Variants in PDE11A observed in about 807,000 individuals in gnomAD.
PDE11A encodes phosphodiesterase 11A.
Under a neutral mutation model 100.5 loss-of-function variants are expected in PDE11A, and 100 were observed. The observed-to-expected ratio is 1.00, with a 90% CI of 0.85 to 1.18. The LOEUF is 1.18. Ranked by LOEUF, PDE11A falls within the 50% of genes most tolerant of loss-of-function variation. The pLI is 0.00. For synonymous variants in PDE11A, 381 were observed against 420.8 expected, an observed-to-expected ratio of 0.91 and a Z score of 1.16; for missense variants, 1,141 against 1,152.6, an observed-to-expected ratio of 0.99 and a Z score of 0.15.
At chr2:177,785,567 C>T (rs939767776) in intron 9 of PDE11A, among the ~76,000 whole-genome samples, 1 of 152,184 alleles carries the variant, frequency 6.6e-6, no homozygotes, top group Admixed American at 6.5e-5. Context: ...CATGCATGAG[C>T]CGAAGTAGGG....
intron 19 of PDE11A, among the ~76,000 whole-genome samples, chr2:177,655,159 A>G (rs539397549): frequency 1.3e-5 from 2 of 152,256 alleles, no homozygotes; most frequent in South Asian, 4.2e-4. Flanking sequence ...TTTCCATTGG[A>G]TTCCAGCATT....
chr2:177,964,385 C>CT (rs2105791933), intron 2 of PDE11A, among the ~76,000 whole-genome samples: 1 of 151,368 alleles, frequency 6.6e-6, no homozygotes, highest in Non-Finnish European at 1.5e-5. Flanking sequence ...TATTTTTTTT[C>CT]TTTCCAACTT....
intron 16 of PDE11A, chr2:177,675,803 C>T: frequency 1.8e-6 from 1 of 545,326 alleles, no homozygotes; most frequent in South Asian, 1.7e-5. Flanking sequence ...TACACCTGAG[C>T]TAAGCAAGCT....
At chr2:177,844,387 C>T (rs2083544915) in intron 5 of PDE11A, among the ~76,000 whole-genome samples, 1 of 152,068 alleles carries the variant, frequency 6.6e-6, no homozygotes, top group South Asian at 2.1e-4. Context: ...CTAATCACCT[C>T]CTAAAGGCCC....
Position 177,627,261 on chromosome 2 carries a change from C to T in PDE11A, c.*2146G>A, listed in dbSNP as rs1251877073. The T allele has an allele frequency of 1.3e-5, 2 of 151,908 alleles. No individual in the cohort carries two copies. The highest frequency in any genetic ancestry group is 1.3e-4 in the Admixed American group (2 of 15,272). 9.4% of individuals were successfully genotyped at this position (151,908 alleles called of 1,614,324 possible). ...CCGTGTTAGCCAGGACGGTCTCGAT[C>T]TCCTGACCTCGTGATCCGCCCGCCT... On this transcript the variant is annotated 3_prime_UTR_variant, in exon 20 of 20. Coordinates refer to ENST00000286063, the MANE Select transcript of PDE11A (RefSeq NM_016953.4).
At chr2:178,092,319 GC>G (rs1430610260) in intron 2 of PDE11A, among the ~76,000 whole-genome samples, 4 of 152,044 alleles carry the variant, frequency 2.6e-5, no homozygotes, top group Admixed American at 2.0e-4. Flanking sequence ...TCCTTAGCAT[GC>G]CAACAAAAGC....
At chr2:177,777,307 T>G (rs922111359) in intron 9 of PDE11A, among the ~76,000 whole-genome samples, 1 of 152,140 alleles carries the variant, frequency 6.6e-6, no homozygotes. Context: ...CATAACCTCA[T>G]TAACCTAAGA....
intron 2 of PDE11A, among the ~76,000 whole-genome samples, chr2:177,908,520 GA>G: frequency 6.6e-6 from 1 of 152,198 alleles, no homozygotes; most frequent in African/African-American, 2.4e-5. Flanking sequence ...TCTTGGTAGT[GA>G]AAGGGAGGGA....
Position 177,875,894 on chromosome 2 carries a change from C to G in PDE11A, c.1332G>C (p.Leu444Phe), listed in dbSNP as rs369303784. Residue 444 changes from leucine (L) to phenylalanine (F), a missense_variant, in exon 5 of 20, where the codon TTG becomes TTC. Physicochemically the swap from Leu to Phe is conservative, Grantham distance 22. Coordinates refer to ENST00000286063, the MANE Select transcript of PDE11A (RefSeq NM_016953.4). The part of the protein sequence containing the change: ...PVVKFTKSFE[L>F]MSPKCSADAE... Reference sequence around the variant, plus strand: ...CATCAGCACTGCACTTTGGGGACATCAATTCAAAGGATTTGGTAAATTTCA... The same window carrying G: ...CATCAGCACTGCACTTTGGGGACATGAATTCAAAGGATTTGGTAAATTTCA... The G allele has an allele frequency of 1.2e-6, 2 of 1,612,000 alleles. No homozygotes were observed. The highest frequency in any genetic ancestry group is 2.2e-5 in the East Asian group (1 of 44,850).
At chr2:177,700,635 A>C (rs1034192803) in intron 14 of PDE11A, among the ~76,000 whole-genome samples, 1 of 152,062 alleles carries the variant, frequency 6.6e-6, no homozygotes, top group African/African-American at 2.4e-5. Context: ...TCACTTCCTA[A>C]CTGGTCCCAC....
intron 19 of PDE11A, among the ~76,000 whole-genome samples, chr2:177,639,918 C>T (rs2080113973): frequency 6.6e-6 from 1 of 152,088 alleles, no homozygotes; most frequent in South Asian, 2.1e-4. Flanking sequence ...AGTGTTTGAA[C>T]CTGAAAATGT....
intron 16 of PDE11A, 171 bp from the exon 17 acceptor site, chr2:177,675,689 A>G: frequency 1.4e-6 from 1 of 705,746 alleles, no homozygotes. Flanking sequence ...CAGCATCTCC[A>G]TCATGTGGCC....
At chr2:177,728,629 C>T (rs1164171962) in intron 10 of PDE11A, among the ~76,000 whole-genome samples, 1 of 152,126 alleles carries the variant, frequency 6.6e-6, no homozygotes, top group Non-Finnish European at 1.5e-5. Flanking sequence ...TATCCTGTAG[C>T]TTGCACGTGT....
intron 10 of PDE11A, among the ~76,000 whole-genome samples, chr2:177,741,873 A>G (rs1332975191): frequency 6.6e-6 from 1 of 152,136 alleles, no homozygotes; most frequent in African/African-American, 2.4e-5. Flanking sequence ...CTATCTGTAC[A>G]GAAAAAAAAT....
At position 178,037,577 on chromosome 2, in the gene PDE11A, T is replaced by G. The variant is rs1009177973; in HGVS notation, c.913-23117A>C. On this transcript the variant is annotated intron_variant, in intron 1 of 19. Transcript: ENST00000286063. ...ATATAAAGACCCATGCGTACATGTGTTTATTGCAGCACTATTTACAATAGC... is the reference window on the plus strand; with the variant it reads ...ATATAAAGACCCATGCGTACATGTGGTTATTGCAGCACTATTTACAATAGC... Among the ~76,000 whole-genome samples the G allele has an allele frequency of 1.3e-5, 2 of 152,156 alleles. 1 individual carries two copies. Among genetic ancestry groups the G allele is most frequent in the South Asian group, 4.1e-4 (2 of 4,832 alleles).
chr2:177,659,549 G>C lies in PDE11A; in HGVS notation c.2646+4317C>G, dbSNP rs16865533. 4.8e-3 allele frequency among the ~76,000 whole-genome samples: 738 copies of C among 152,190 alleles called. 5 individuals are homozygous for C. The highest frequency in any genetic ancestry group is 0.029 in the East Asian group (152 of 5,182). On this transcript the variant is annotated intron_variant, in intron 19 of 19. Coordinates refer to ENST00000286063, the MANE Select transcript of PDE11A (RefSeq NM_016953.4). ...ATCAGATTACATTCATAATAAAAAT[G>C]GAATCTCTCAGTTCTTAACAAACAA...
intron 2 of PDE11A, chr2:177,998,664 T>C: frequency 8.1e-7 from 1 of 1,234,632 alleles, no homozygotes; most frequent in East Asian, 2.3e-5. Context: ...AGTACCACCT[T>C]TCACACCATC....
At chr2:177,922,898 T>C (rs893948018) in intron 2 of PDE11A, 9 of 835,968 alleles carry the variant, frequency 1.1e-5, no homozygotes, top group Non-Finnish European at 1.2e-5. Context: ...CCTCTGTCTT[T>C]GTTCATCATA....
In PDE11A at chr2:178,060,321, GA is replaced by G. The variant is rs573068709; in HGVS notation, c.912+11204del. Among the ~76,000 whole-genome samples the G allele has an allele frequency of 2.1e-4, 32 of 151,654 alleles. No homozygotes were observed. The East Asian group carries it at 2.7e-3, about 13-fold the overall frequency. ...TTAAGTAATGATTAGTACATATATG[GA>G]AAAAAAATAAAAGAAAACAAAAAGA... On this transcript the variant is annotated intron_variant, in intron 1 of 19. Transcript: ENST00000286063.
Sources: gnomAD v4.1 joint callset for allele counts (sites outside exome capture counted in the v4.1 genomes callset) on GRCh38, gnomAD v4.1.1 for gene constraint, MANE v1.5 for transcripts, NCBI Gene and HGNC (gene_info 2026-07-23, HGNC 2026-07-21) for gene names.